The following APOBR variants were observed in gnomAD, a reference collection of about 807,000 sequenced individuals.
APOBR encodes apoB-48R.
Under a neutral mutation model 88.5 loss-of-function variants are expected in APOBR, and 57 were observed. The ratio of observed to expected loss-of-function variants is 0.64; its 90% CI spans 0.52 to 0.80. APOBR has a LOEUF of 0.80. Among genes scored for constraint, APOBR ranks in the 30% least tolerant of loss-of-function variants. APOBR has a pLI of 0.00. For missense variants in APOBR, 1,443 were observed against 1,401.6 expected, an observed-to-expected ratio of 1.03 and a Z score of -0.47; for synonymous variants, 588 against 572.7, an observed-to-expected ratio of 1.03 and a Z score of -0.38.
chr16:28,496,026 G>A lies in APOBR; in HGVS notation c.985G>A (p.Gly329Arg), dbSNP rs773667784. 13 of 1,596,166 alleles carry A rather than the reference G, an allele frequency of 8.1e-6. No individual in the cohort carries two copies. Among genetic ancestry groups the A allele is most frequent in the East Asian group, 2.2e-5 (1 of 44,542 alleles). ...AACAGCCTCAGGCGGGGAGGAGGCC[G>A]GGACAGCCTCGGGAGGGGAGGAGGC... ...AETASGGEEA[G>R]TASGGEEAGI... The change falls in exon 2 of 4, where the codon GGG becomes AGG. Residue 329 changes from glycine to arginine, a missense_variant. Coordinates refer to ENST00000564831, the MANE Select transcript of APOBR (RefSeq NM_018690.4).
At position 28,496,980 on chromosome 16, in the gene APOBR, C is replaced by A. The variant is rs376186510; in HGVS notation, c.1939C>A (p.Arg647=). The A allele has an allele frequency of 6.4e-7, 1 of 1,560,294 alleles. No individual in the cohort carries two copies. Among genetic ancestry groups the A allele is most frequent in the South Asian group, 1.2e-5 (1 of 83,730 alleles). Residue 647 remains arginine (R), a synonymous_variant, in exon 2 of 4, where the codon CGG becomes AGG. Coordinates refer to ENST00000564831, the MANE Select transcript of APOBR (RefSeq NM_018690.4). The part of the protein sequence containing the change: ...TQEDAADGEQ[R]EEEETAGGQT... Reference sequence around the variant, plus strand: ...GGAGGATGCGGCCGATGGCGAGCAGCGGGAGGAGGAGGAGACTGCGGGAGG... The same window carrying A: ...GGAGGATGCGGCCGATGGCGAGCAGAGGGAGGAGGAGGAGACTGCGGGAGG...
rs770453980 is a variant in APOBR at position 28,498,477 on chromosome 16, C to T, written c.3266C>T (p.Ala1089Val). ...AHPGMMQELQARLGRPKPQ is the reference protein window; with the variant it reads ...AHPGMMQELQVRLGRPKPQ ...CCTGGCATGATGCAGGAGCTGCAAG[C>T]CCGTCTGGGCCGGCCTAAGCCCCAG... The change falls in exon 4 of 4, where the codon GCC (alanine) becomes GTC (valine). Residue 1089 changes from alanine to valine, a missense_variant. Coordinates refer to ENST00000564831, the MANE Select transcript of APOBR (RefSeq NM_018690.4). 70 of 1,601,570 alleles carry T rather than the reference C, an allele frequency of 4.4e-5. No individual in the cohort carries two copies. The highest frequency in any genetic ancestry group is 5.8e-5 in the Non-Finnish European group (68 of 1,174,714).
chr16:28,498,412 C>A, intron 3 of APOBR, 24 bp from the exon 4 acceptor site: 1 of 1,599,380 alleles, frequency 6.3e-7, no homozygotes, highest in South Asian at 1.1e-5. Context: ...AACCTGTTCT[C>A]ACGGGCCTGA....
rs772230490 is a variant in APOBR at position 28,498,451 on chromosome 16, C to A, written c.3240C>A (p.His1080Gln). The A allele has an allele frequency of 1.9e-6, 3 of 1,603,156 alleles. No homozygotes were observed. The South Asian group carries it at 3.4e-5, about 18-fold the overall frequency. ...RPLGHGFGLA[H>Q]PGMMQELQAR... ...CCGCCTCCAGGTTTGGCCTCGCGCA[C>A]CCTGGCATGATGCAGGAGCTGCAAG... Residue 1080 changes from histidine (H) to glutamine (Q), a missense_variant, in exon 4 of 4, where the codon CAC (histidine) becomes CAA (glutamine). His to Gln is a conservative substitution (Grantham distance 24). Transcript: ENST00000564831.
rs1274725832 is a variant in APOBR at position 28,498,189 on chromosome 16, G to A, written c.3064G>A (p.Ala1022Thr). 2 of 1,604,042 alleles carry A rather than the reference G, an allele frequency of 1.2e-6. No individual in the cohort carries two copies. The highest frequency in any genetic ancestry group is 1.7e-6 in the Non-Finnish European group (2 of 1,178,710). ...RSRPSFRRTPAWEQQEEPPAP... is the reference protein window; with the variant it reads ...RSRPSFRRTPTWEQQEEPPAP... ...CCGGCCCTCTTTTCGTCGGACTCCGGCCTGGGAGCAGCAGGAGGAGCCCCC... is the reference window on the plus strand; with the variant it reads ...CCGGCCCTCTTTTCGTCGGACTCCGACCTGGGAGCAGCAGGAGGAGCCCCC... The change falls in exon 3 of 4, where the codon GCC (alanine) becomes ACC (threonine). Residue 1022 changes from alanine to threonine, a missense_variant. By Grantham distance (58) the Ala-to-Thr change is moderately conservative. Coordinates refer to ENST00000564831, the MANE Select transcript of APOBR (RefSeq NM_018690.4).
At position 28,497,377 on chromosome 16, in the gene APOBR, G is replaced by T; in HGVS notation, c.2336G>T (p.Gly779Val). 1 of 1,612,226 alleles carries T rather than the reference G, an allele frequency of 6.2e-7. No individual in the cohort carries two copies. Among genetic ancestry groups the T allele is most frequent in the Non-Finnish European group, 8.5e-7 (1 of 1,179,168 alleles). ...VVPHISAAGA[G>V]EALEGVLGQG... Reference sequence around the variant, plus strand: ...CCACACATCAGCGCTGCTGGCGCTGGTGAAGCTTTGGAAGGGGTGCTTGGG... The same window carrying T: ...CCACACATCAGCGCTGCTGGCGCTGTTGAAGCTTTGGAAGGGGTGCTTGGG... Residue 779 changes from glycine (G) to valine (V), a missense_variant, in exon 2 of 4, where the codon GGT becomes GTT. By Grantham distance (109) the Gly-to-Val change is moderately radical (BLOSUM62 -3). Transcript: ENST00000564831.
Position 28,495,280 on chromosome 16 carries a change from G to A in APOBR, c.239G>A (p.Arg80Lys), listed in dbSNP as rs759401433. ...GGCAGCCAAAACGAGGGGGCTGGAA[G>A]GCTGAGAGGGCCTGGAGATGACAGA... ...LRGSQNEGAG[R>K]LRGPGDDRRH... Residue 80 changes from arginine (R) to lysine (K), a missense_variant, in exon 2 of 4, where the codon AGG (arginine) becomes AAG (lysine). Transcript: ENST00000564831. The A allele has an allele frequency of 6.5e-7, 1 of 1,529,740 alleles. No homozygotes were observed. The highest frequency in any genetic ancestry group is 1.3e-5 in the South Asian group (1 of 78,992). The allele number at this position is 1,529,740 out of a possible 1,614,324, so 94.8% of individuals were successfully genotyped here.
chr16:28,497,456 TG>T lies in APOBR; in HGVS notation c.2418del (p.Gln807LysfsTer13), dbSNP rs779087929. 1 of 1,613,598 alleles carries T rather than the reference TG, an allele frequency of 6.2e-7. No homozygotes were observed. Among genetic ancestry groups the T allele is most frequent in the Non-Finnish European group, 8.5e-7 (1 of 1,179,794 alleles). On this transcript the variant is annotated frameshift_variant, in exon 2 of 4. Transcript: ENST00000564831. LOFTEE classifies it high-confidence loss of function. The part of the protein sequence containing the change: ...EEAAAGEHAG[G>X]QEFGLEGSAE... ...AGGCAGCAGCAGGAGAGCATGCAGG[TG>T]GGCAAGAATTTGGTCTGGAGGGCTC...
At position 28,495,185 on chromosome 16, in the gene APOBR, G is replaced by T. The variant is rs747313630; in HGVS notation, c.144G>T (p.Gly48=). ...EREAQAAEEL[G]VVAVGKTGKI... ...AGGCGCAGGCGGCTGAGGAACTGGGGGTGGTGGCGGTGGGAAAGACAGGGA... is the reference window on the plus strand; with the variant it reads ...AGGCGCAGGCGGCTGAGGAACTGGGTGTGGTGGCGGTGGGAAAGACAGGGA... Residue 48 remains glycine (G), a synonymous_variant, in exon 2 of 4, where the codon GGG becomes GGT. Coordinates refer to ENST00000564831, the MANE Select transcript of APOBR (RefSeq NM_018690.4). 15 of 1,569,588 alleles carry T rather than the reference G, an allele frequency of 9.6e-6. No individual in the cohort carries two copies. Among genetic ancestry groups the T allele is most frequent in the Non-Finnish European group, 1.3e-5 (15 of 1,159,798 alleles).
At position 28,496,932 on chromosome 16, in the gene APOBR, G is replaced by C. The variant is rs13306185; in HGVS notation, c.1891G>C (p.Asp631His). ...AGCCTGGGAAAACCGCACGAGAAAG[G>C]ACATGGAGAGAGGAAATACTCAGGA... is the stretch of plus-strand genomic sequence containing the variant. ...PGAWENRTRK[D>H]MERGNTQEDA... Residue 631 changes from aspartate (D) to histidine (H), a missense_variant, in exon 2 of 4, where the codon GAC becomes CAC. Coordinates refer to ENST00000564831, the MANE Select transcript of APOBR (RefSeq NM_018690.4). The C allele has an allele frequency of 3.8e-6, 6 of 1,560,132 alleles. No homozygotes were observed. The highest frequency in any genetic ancestry group is 3.6e-5 in the South Asian group (3 of 84,446).
chr16:28,495,946 GGACAATCTCAGGCGGGGAGGAGGCTGA>G lies in APOBR; in HGVS notation c.910_936del (p.Ile304_Thr312del). On this transcript the variant is annotated inframe_deletion, in exon 2 of 4. Transcript: ENST00000564831. Reference sequence around the variant, plus strand: ...GCAATTTTAGATGGGGAGGAAGCCAGGACAATCTCAGGCGGGGAGGAGGCTGAGACAGCCTCAGGCGGGGAGGAGGCT... The same window carrying G: ...GCAATTTTAGATGGGGAGGAAGCCAGGACAGCCTCAGGCGGGGAGGAGGCT... The G allele has an allele frequency of 6.2e-7, 1 of 1,607,646 alleles. No individual in the cohort carries two copies. Among genetic ancestry groups the G allele is most frequent in the Non-Finnish European group, 8.5e-7 (1 of 1,179,578 alleles).
rs1447725481 is a variant in APOBR at position 28,496,175 on chromosome 16, A to G, written c.1134A>G (p.Lys378=). ...GGDEAWTTSG[K]EEADLLGVRQ... ...ACGAGGCCTGGACAACCTCAGGCAAAGAGGAGGCTGACCTGCTGGGAGTCA... is the reference window on the plus strand; with the variant it reads ...ACGAGGCCTGGACAACCTCAGGCAAGGAGGAGGCTGACCTGCTGGGAGTCA... Residue 378 remains lysine, a synonymous_variant, in exon 2 of 4, where the codon AAA becomes AAG. Transcript: ENST00000564831. 6.4e-7 allele frequency: 1 copy of G among 1,557,138 alleles called. No individual in the cohort carries two copies. The highest frequency in any genetic ancestry group is 1.2e-5 in the South Asian group (1 of 81,078).
At position 28,496,110 on chromosome 16, in the gene APOBR, GCCTCA is replaced by G; in HGVS notation, c.1070_1074del (p.Ala357GlyfsTer24). The G allele has an allele frequency of 1.3e-6, 2 of 1,519,876 alleles. No individual in the cohort carries two copies. The highest frequency in any genetic ancestry group is 1.8e-6 in the Non-Finnish European group (2 of 1,134,286). The allele number at this position is 1,519,876 out of a possible 1,614,324, so 94.1% of individuals were successfully genotyped here. Reference sequence around the variant, plus strand: ...CTCAGGAGGGGAGGAGGCCGGGACAGCCTCAGGAGGGGAGGAGGCCGGGACAGCCT... The same window carrying G: ...CTCAGGAGGGGAGGAGGCCGGGACAGGGAGGGGAGGAGGCCGGGACAGCCT... On this transcript the variant is annotated frameshift_variant, in exon 2 of 4. Coordinates refer to ENST00000564831, the MANE Select transcript of APOBR (RefSeq NM_018690.4). LOFTEE classifies it high-confidence loss of function.
At position 28,496,227 on chromosome 16, in the gene APOBR, G is replaced by A. The variant is rs1307947591; in HGVS notation, c.1186G>A (p.Gly396Arg). The A allele has an allele frequency of 6.2e-7, 1 of 1,600,406 alleles. No individual in the cohort carries two copies. The highest frequency in any genetic ancestry group is 1.3e-5 in the African/African-American group (1 of 74,494). Residue 396 changes from glycine (G) to arginine (R), a missense_variant, in exon 2 of 4, where the codon GGA becomes AGA. Gly to Arg is a moderately radical substitution (Grantham distance 125, BLOSUM62 -2). Transcript: ENST00000564831. ...VRQTEYGAVP[G>R]ERLLEATGKV... is the part of the protein sequence containing the mutation. Reference sequence around the variant, plus strand: ...ACAGACAGAATATGGAGCAGTCCCAGGAGAAAGGCTCCTAGAGGCTACTGG... The same window carrying A: ...ACAGACAGAATATGGAGCAGTCCCAAGAGAAAGGCTCCTAGAGGCTACTGG...
rs1431472865 is a variant in APOBR at position 28,498,264 on chromosome 16, C to T, written c.3139C>T (p.Leu1047Phe). The T allele has an allele frequency of 6.2e-7, 1 of 1,605,528 alleles. No individual in the cohort carries two copies. Among genetic ancestry groups the T allele is most frequent in the Non-Finnish European group, 8.5e-7 (1 of 1,176,606 alleles). The change falls in exon 3 of 4, where the codon CTC (leucine) becomes TTC (phenylalanine). Residue 1047 changes from leucine (L) to phenylalanine (F), a missense_variant. Physicochemically the swap from Leu to Phe is conservative, Grantham distance 22. Transcript: ENST00000564831. The part of the protein sequence containing the change: ...EELSAPEQRP[L>F]QLEEPLEPSP... ...GCTGTCAGCTCCTGAGCAGAGACCC[C>T]TCCAGCTGGAGGAACCCCTGGAGCC...
Position 28,498,563 on chromosome 16 carries a change from ATGCCACTGAGCCCTGCTCCCTC to A in APOBR, c.*67_*88del, listed in dbSNP as rs1420498764. On this transcript the variant is annotated 3_prime_UTR_variant, in exon 4 of 4. Transcript: ENST00000564831. ...AGTGGGTGCCAGAAGGCTTGCTCCA[ATGCCACTGAGCCCTGCTCCCTC>A]TGCCACTGTGGACACATCCTCTCCA... The A allele has an allele frequency of 1.3e-6, 2 of 1,532,680 alleles. No individual in the cohort carries two copies. The highest frequency in any genetic ancestry group is 2.7e-5 in the African/African-American group (2 of 72,846). 94.9% of individuals were successfully genotyped at this position (1,532,680 alleles called of 1,614,324 possible).
At position 28,497,363 on chromosome 16, in the gene APOBR, C is replaced by T. The variant is rs776414457; in HGVS notation, c.2322C>T (p.Ser774=). Residue 774 remains serine (S), a synonymous_variant, in exon 2 of 4, where the codon AGC becomes AGT. Coordinates refer to ENST00000564831, the MANE Select transcript of APOBR (RefSeq NM_018690.4). ...GGGGTGATGTGGTCCCACACATCAG[C>T]GCTGCTGGCGCTGGTGAAGCTTTGG... ...IMGGDVVPHI[S]AAGAGEALEG... 24 of 1,610,232 alleles carry T rather than the reference C, an allele frequency of 1.5e-5. No individual in the cohort carries two copies. Among genetic ancestry groups the T allele is most frequent in the Middle Eastern group, 1.6e-4 (1 of 6,076 alleles).
In APOBR at chr16:28,497,272, C is replaced by T. The variant is rs766760352; in HGVS notation, c.2231C>T (p.Ala744Val). 2.5e-6 allele frequency: 4 copies of T among 1,590,422 alleles called. No individual in the cohort carries two copies. Among genetic ancestry groups the T allele is most frequent in the East Asian group, 4.6e-5 (2 of 43,774 alleles). Residue 744 changes from alanine (A) to valine (V), a missense_variant, in exon 2 of 4, where the codon GCG becomes GTG. By Grantham distance (64) the Ala-to-Val change is moderately conservative (BLOSUM62 0). Transcript: ENST00000564831. ...RTSRRGWRLQ[A>V]VAVGLPDRED... ...TCCAGAAGAGGCTGGAGGCTGCAAGCGGTGGCTGTGGGCCTCCCGGACCGT... is the reference window on the plus strand; with the variant it reads ...TCCAGAAGAGGCTGGAGGCTGCAAGTGGTGGCTGTGGGCCTCCCGGACCGT...
Position 28,496,165 on chromosome 16 carries a change from C to G in APOBR, c.1124C>G (p.Thr375Ser), listed in dbSNP as rs1192975092. The change falls in exon 2 of 4, where the codon ACC becomes AGC. Residue 375 changes from threonine to serine, a missense_variant. Physicochemically the swap from Thr to Ser is moderately conservative, Grantham distance 58. Coordinates refer to ENST00000564831, the MANE Select transcript of APOBR (RefSeq NM_018690.4). ...TCAGGAGGGGACGAGGCCTGGACAACCTCAGGCAAAGAGGAGGCTGACCTG... is the reference window on the plus strand; with the variant it reads ...TCAGGAGGGGACGAGGCCTGGACAAGCTCAGGCAAAGAGGAGGCTGACCTG... The part of the protein sequence containing the change: ...TASGGDEAWT[T>S]SGKEEADLLG... The G allele has an allele frequency of 7.7e-6, 12 of 1,551,556 alleles. No homozygotes were observed. The highest frequency in any genetic ancestry group is 1.0e-5 in the Non-Finnish European group (12 of 1,150,848).
Sources: gnomAD v4.1 joint callset for allele counts on GRCh38, gnomAD v4.1.1 for gene constraint, MANE v1.5 for transcripts, NCBI Gene and HGNC (gene_info 2026-07-23, HGNC 2026-07-21) for gene names.